Variants in WWOX observed in about 807,000 individuals in gnomAD.
The protein encoded by WWOX is WW domain-containing oxidoreductase.
In WWOX, 69 loss-of-function variants were observed where a neutral mutation model predicts 46.2. The observed-to-expected ratio is 1.49, with a 90% CI of 1.23 to 1.82. The LOEUF is 1.82. Among genes scored for constraint, WWOX ranks in the 40% most tolerant of loss-of-function variants. The probability of loss-of-function intolerance (pLI) is 0.00; values close to 1 mark genes in which losing one functional copy is unlikely to be tolerated. For missense variants in WWOX, 919 were observed against 542.6 expected, an observed-to-expected ratio of 1.69 and a Z score of -6.89; for synonymous variants, 359 against 202.6, an observed-to-expected ratio of 1.77 and a Z score of -6.56.
intron 8 of WWOX, among the ~76,000 whole-genome samples, chr16:79,160,119 G>A (rs530308415): frequency 6.6e-6 from 1 of 152,184 alleles, no homozygotes; most frequent in Non-Finnish European, 1.5e-5. Flanking sequence ...AATTCACTCG[G>A]CAAGAAGCCG....
Position 79,050,725 on chromosome 16 carries a change from A to G in WWOX, c.1057-160883A>G, listed in dbSNP as rs545311218. Reference sequence around the variant, plus strand: ...AATCTGGCGAAATGAATGGGGCTACATAGGTTGGGGGAAGGAGGTAAGAGA... The same window carrying G: ...AATCTGGCGAAATGAATGGGGCTACGTAGGTTGGGGGAAGGAGGTAAGAGA... On this transcript the variant is annotated intron_variant, in intron 8 of 8. Transcript: ENST00000566780. 4.8e-3 allele frequency among the ~76,000 whole-genome samples: 725 copies of G among 152,282 alleles called. 9 individuals are homozygous for G. The highest frequency in any genetic ancestry group is 0.016 in the African/African-American group (683 of 41,568).
intron 8 of WWOX, among the ~76,000 whole-genome samples, chr16:78,501,144 T>C (rs2085053994): frequency 6.7e-6 from 1 of 149,402 alleles, no homozygotes. Context: ...ACTTTGAACA[T>C]AAATACCCTC....
At chr16:78,760,029 T>G (rs554202781) in intron 8 of WWOX, among the ~76,000 whole-genome samples, 1 of 152,324 alleles carries the variant, frequency 6.6e-6, no homozygotes, top group African/African-American at 2.4e-5. Context: ...CAGGATGTAT[T>G]TGTCTGTGTT....
chr16:78,406,943 A>T (rs1802948505), intron 6 of WWOX, among the ~76,000 whole-genome samples: 1 of 152,132 alleles, frequency 6.6e-6, no homozygotes, highest in Non-Finnish European at 1.5e-5. Context: ...AATAATTTTT[A>T]TAAACTCCTT....
rs193013693 is a variant in WWOX, at chr16:78,973,836, G to A, written c.1057-237772G>A. ...GTGGGGGCACCAGGGCTCATGAGCC[G>A]AGAGCCCCTGCTTCCCTTGGAAAAC... On this transcript the variant is annotated intron_variant, in intron 8 of 8. Transcript: ENST00000566780. Among the ~76,000 whole-genome samples the A allele has an allele frequency of 4.6e-3, 701 of 152,346 alleles. 16 individuals are homozygous for A. The highest frequency in any genetic ancestry group is 0.016 in the African/African-American group (662 of 41,588).
At chr16:78,800,477 C>G (rs1228663512) in intron 8 of WWOX, among the ~76,000 whole-genome samples, 1 of 152,174 alleles carries the variant, frequency 6.6e-6, no homozygotes, top group Non-Finnish European at 1.5e-5. Flanking sequence ...GGTATCCACA[C>G]TTCTTCTTTC....
chr16:78,499,149 C>G (rs1213803727), intron 8 of WWOX, among the ~76,000 whole-genome samples: 7 of 151,962 alleles, frequency 4.6e-5, no homozygotes, highest in Non-Finnish European at 8.8e-5. Context: ...TCTCTTTCCT[C>G]GTGATGCACG....
chr16:78,114,089 C>CTTTTTTTTTTTTTTTTTTTTTTGTTTTT (rs759734805), intron 3 of WWOX, among the ~76,000 whole-genome samples: 1 of 104,122 alleles, frequency 9.6e-6, no homozygotes. Flanking sequence ...CCATATGTGC[C>CTTTTTTTTTTTTTTTTTTTTTTGTTTTT]TTTTTTTTTT....
chr16:78,187,040 CAT>C (rs1290709670), intron 5 of WWOX, among the ~76,000 whole-genome samples: 9 of 152,140 alleles, frequency 5.9e-5, no homozygotes, highest in African/African-American at 1.9e-4. Flanking sequence ...AAAGTTATAA[CAT>C]ATATACATTT....
chr16:79,055,965 G>C (rs1223169752), intron 8 of WWOX, among the ~76,000 whole-genome samples: 2 of 152,110 alleles, frequency 1.3e-5, no homozygotes, highest in Non-Finnish European at 2.9e-5. Context: ...CTCCATTTCA[G>C]TAATTCTTTC....
chr16:78,293,362 C>G (rs1036360312), intron 5 of WWOX, among the ~76,000 whole-genome samples: 1 of 152,214 alleles, frequency 6.6e-6, no homozygotes. Context: ...GATTTTGTAA[C>G]TGAGTCCAGG....
chr16:78,544,381 C>T (rs12930620), intron 8 of WWOX, among the ~76,000 whole-genome samples: 57 of 151,916 alleles, frequency 3.8e-4, no homozygotes, highest in South Asian at 2.1e-4. Context: ...ATTTAATCTT[C>T]CCTACAACCT....
chr16:78,302,048 C>T (rs2080051188), intron 5 of WWOX, among the ~76,000 whole-genome samples: 1 of 151,810 alleles, frequency 6.6e-6, no homozygotes, highest in Admixed American at 6.6e-5. Context: ...GTAACCTCCA[C>T]CTCCCGGGTT....
intron 8 of WWOX, among the ~76,000 whole-genome samples, chr16:78,434,698 C>A (rs2083298065): frequency 6.6e-6 from 1 of 152,142 alleles, no homozygotes; most frequent in African/African-American, 2.4e-5. Flanking sequence ...CTCCTTCTTC[C>A]ATAAGGTCCC....
chr16:78,272,607 C>CA (rs1250011421), intron 5 of WWOX, among the ~76,000 whole-genome samples: 3 of 152,164 alleles, frequency 2.0e-5, no homozygotes, highest in African/African-American at 7.2e-5. Flanking sequence ...ATAATAGCAT[C>CA]TCCCTCATTA....
chr16:78,700,229 G>A (rs554215860), intron 8 of WWOX, among the ~76,000 whole-genome samples: 1 of 151,148 alleles, frequency 6.6e-6, no homozygotes, highest in African/African-American at 2.4e-5. Flanking sequence ...AGATGTCAGG[G>A]CACCAGCATG....
At chr16:78,456,642 G>C (rs1486158927) in intron 8 of WWOX, among the ~76,000 whole-genome samples, 1 of 152,120 alleles carries the variant, frequency 6.6e-6, no homozygotes, top group East Asian at 1.9e-4. Context: ...TGAATCTGTG[G>C]TGTTTCTGAA....
At chr16:78,367,353 G>C (rs574911023) in intron 5 of WWOX, among the ~76,000 whole-genome samples, 9 of 152,162 alleles carry the variant, frequency 5.9e-5, no homozygotes, top group African/African-American at 1.9e-4. Flanking sequence ...GCCCAGGACA[G>C]CTTTGCAGCC....
chr16:78,278,501 A>T, intron 5 of WWOX: 1 of 1,195,266 alleles, frequency 8.4e-7, no homozygotes, highest in Admixed American at 2.5e-5. Context: ...TGAATTTGTT[A>T]ATTAATTAGC....
Sources: allele counts gnomAD v4.1 joint callset (sites outside exome capture counted in the v4.1 genomes callset), GRCh38; gene constraint gnomAD v4.1.1; transcripts MANE v1.5; gene names NCBI Gene and HGNC (gene_info 2026-07-23, HGNC 2026-07-21).